The following HEPH variants were observed in gnomAD, a reference collection of about 807,000 sequenced individuals.
HEPH encodes the protein hephaestin.
Under a neutral mutation model 80.8 loss-of-function variants are expected in HEPH, and 69 were observed. That is an observed-to-expected ratio of 0.85 (90% confidence interval 0.70 to 1.04). The LOEUF (loss-of-function observed/expected upper bound fraction) is 1.04, where lower values mean the gene tolerates loss of function less well. Among genes scored for constraint, HEPH ranks in the 50% least tolerant of loss-of-function variants. The probability of loss-of-function intolerance (pLI) is 0.00; values close to 1 mark genes in which losing one functional copy is unlikely to be tolerated. For missense variants in HEPH, 1,115 were observed against 891.3 expected, an observed-to-expected ratio of 1.25 and a Z score of -3.20; for synonymous variants, 431 against 322.8, an observed-to-expected ratio of 1.34 and a Z score of -3.60.
intron 15 of HEPH, among the ~76,000 whole-genome samples, chrX:66,218,335 A>G (rs970798324): frequency 2.7e-5 from 3 of 112,067 alleles, no homozygotes; most frequent in Non-Finnish European, 5.6e-5. Flanking sequence ...CTGAAATTAT[A>G]TAAAATACTC....
chrX:66,207,226 G>A lies in HEPH; in HGVS notation c.2323G>A (p.Gly775Arg). The A allele has an allele frequency of 1.7e-6, 2 of 1,206,063 alleles. No homozygotes were observed. Among genetic ancestry groups the A allele is most frequent in the Non-Finnish European group, 2.2e-6 (2 of 892,100 alleles). ...TTACATTTTCCTGAGCAACAAGGAT[G>A]GGCTCCTGGGTTCCAGATACAAGAA... The part of the protein sequence containing the change: ...YGYIFLSNKD[G>R]LLGSRYKKAV... Residue 775 changes from glycine to arginine, a missense_variant, in exon 14 of 21, where the codon GGG (glycine) becomes AGG (arginine). By Grantham distance (125) the Gly-to-Arg change is moderately radical (BLOSUM62 -2). Coordinates refer to ENST00000343002, the MANE Select transcript of HEPH (RefSeq NM_001367233.3).
rs1602544870 is a variant in HEPH, at chrX:66,255,134, C to T, written c.2663C>T (p.Pro888Leu). 1 of 1,189,642 alleles carries T rather than the reference C, an allele frequency of 8.4e-7. No individual in the cohort carries two copies. The highest frequency in any genetic ancestry group is 1.1e-6 in the Non-Finnish European group (1 of 878,791). Reference protein sequence around the residue: ...VSWIYYSAVDPIKDMYSGLVG... With the variant: ...VSWIYYSAVDLIKDMYSGLVG... ...TGGATCTATTATTCTGCAGTGGATCCCATCAAGGTAAATACAAGATTGGCT... is the reference window on the plus strand; with the variant it reads ...TGGATCTATTATTCTGCAGTGGATCTCATCAAGGTAAATACAAGATTGGCT... Residue 888 changes from proline (P) to leucine (L), a missense_variant, in exon 16 of 21, where the codon CCC becomes CTC. By Grantham distance (98) the Pro-to-Leu change is moderately conservative. Coordinates refer to ENST00000343002, the MANE Select transcript of HEPH (RefSeq NM_001367233.3).
intron 15 of HEPH, among the ~76,000 whole-genome samples, chrX:66,230,246 G>A (rs1320818483): frequency 1.1e-5 from 1 of 92,816 alleles, no homozygotes; most frequent in East Asian, 3.4e-4. Context: ...ACGTGTGCAT[G>A]TGTCTTTATA....
chrX:66,203,353 T>C lies in HEPH; in HGVS notation c.2078-11T>C. On this transcript the variant is annotated splice_polypyrimidine_tract_variant and intron_variant, in intron 12 of 20. Transcript: ENST00000343002. ...TTCTGAGTCAGATTTTTCTCTCTGA[T>C]CCTCCCTCAGGGACATTTGAGATTT... 8.3e-7 allele frequency: 1 copy of C among 1,205,076 alleles called. No homozygotes were observed. The highest frequency in any genetic ancestry group is 1.8e-5 in the South Asian group (1 of 56,550).
At chrX:66,196,922 A>AT (rs1003379692) in intron 9 of HEPH, among the ~76,000 whole-genome samples, 1 of 104,821 alleles carries the variant, frequency 9.5e-6, no homozygotes, top group African/African-American at 3.5e-5. Flanking sequence ...TTTTGTCTAT[A>AT]TTTTTTTTCA....
At chrX:66,193,682 G>T in intron 8 of HEPH, 44 bp downstream of exon 8, 4 of 1,071,389 alleles carry the variant, frequency 3.7e-6, no homozygotes, top group Admixed American at 2.5e-5. Flanking sequence ...TAGAGCCAGA[G>T]AATTGAGGAA....
chrX:66,234,403 A>C (rs1297653358), intron 15 of HEPH, among the ~76,000 whole-genome samples: 1 of 111,698 alleles, frequency 9.0e-6, no homozygotes, highest in African/African-American at 3.3e-5. Context: ...TTTATGATAG[A>C]ACAATTCATA....
At chrX:66,188,302 A>C in intron 4 of HEPH, 57 bp from the exon 5 acceptor site, 3 of 929,229 alleles carry the variant, frequency 3.2e-6, no homozygotes, top group Non-Finnish European at 4.4e-6. Context: ...TACCCCTTTC[A>C]GCTTACTATT....
chrX:66,178,792 G>T (rs1264898848), intron 4 of HEPH, among the ~76,000 whole-genome samples: 11 of 111,970 alleles, frequency 9.8e-5, no homozygotes, highest in African/African-American at 3.6e-4. Context: ...TGATGGGGTT[G>T]TTTATTTTTT....
intron 4 of HEPH, among the ~76,000 whole-genome samples, chrX:66,177,816 C>T (rs2086879099): frequency 9.0e-6 from 1 of 111,092 alleles, no homozygotes; most frequent in Non-Finnish European, 1.9e-5. Flanking sequence ...CTTAGAATGT[C>T]AGTTTGCACT....
chrX:66,162,881 G>T, upstream of HEPH: 1 of 1,152,530 alleles, frequency 8.7e-7, no homozygotes, highest in South Asian at 1.9e-5. Flanking sequence ...CACAAAGTAA[G>T]AATATCAGGT....
In HEPH at chrX:66,256,142, G is replaced by A. The variant is rs1206184755; in HGVS notation, c.2708G>A (p.Cys903Tyr). The change falls in exon 17 of 21, where the codon TGC becomes TAC. Residue 903 changes from cysteine to tyrosine, a missense_variant. Physicochemically the swap from Cys to Tyr is radical, Grantham distance 194. This residue lies in a region of HEPH where 716 missense variants were observed against 523.5 expected (regional missense o/e 1.37). Transcript: ENST00000343002. Reference sequence around the variant, plus strand: ...GGCCTGGTGGGGCCCTTGGCTATCTGCCAAAAGGGCATCCTGGAGCCCCAT... The same window carrying A: ...GGCCTGGTGGGGCCCTTGGCTATCTACCAAAAGGGCATCCTGGAGCCCCAT... ...YSGLVGPLAI[C>Y]QKGILEPHGG... 1.7e-6 allele frequency: 2 copies of A among 1,209,194 alleles called. No homozygotes were observed. Among genetic ancestry groups the A allele is most frequent in the Non-Finnish European group, 2.2e-6 (2 of 894,489 alleles).
intron 15 of HEPH, among the ~76,000 whole-genome samples, chrX:66,234,615 G>A (rs1201310715): frequency 1.8e-5 from 2 of 108,356 alleles, no homozygotes; most frequent in Non-Finnish European, 1.9e-5. Context: ...AACTGTATGG[G>A]TATGAGATGT....
In HEPH at chrX:66,256,462, A is replaced by G. The variant is rs2091186869; in HGVS notation, c.2896+132A>G. The G allele has an allele frequency of 6.4e-6, 3 of 470,883 alleles. No homozygotes were observed. The South Asian group carries it at 1.0e-4, about 16-fold the overall frequency. The allele number at this position is 470,883 out of a possible 1,213,427, so 38.8% of individuals were successfully genotyped here. A position where few individuals can be genotyped will look rare whatever the true frequency, so the allele number is the denominator to read the frequency against. ...ACGAACATGGGAAGGTGAAATGGGG[A>G]TGAGTTAGAAGAAGCATTTCCTATT... On this transcript the variant is annotated intron_variant, in intron 17 of 20. Coordinates refer to ENST00000343002, the MANE Select transcript of HEPH (RefSeq NM_001367233.3).
At chrX:66,233,316 A>G (rs1397407806) in intron 15 of HEPH, among the ~76,000 whole-genome samples, 1 of 111,557 alleles carries the variant, frequency 9.0e-6, no homozygotes, top group African/African-American at 3.3e-5. Context: ...TCACTGCCTT[A>G]CCAAACCTCA....
At chrX:66,191,938 C>A (rs1332945926) in intron 6 of HEPH, among the ~76,000 whole-genome samples, 192 bp from the exon 7 acceptor site, 1 of 111,158 alleles carries the variant, frequency 9.0e-6, no homozygotes, top group East Asian at 2.8e-4. Flanking sequence ...GTGGAGGTAC[C>A]TGAATTCTAC....
chrX:66,211,661 T>C (rs1351019138), intron 15 of HEPH, among the ~76,000 whole-genome samples: 2 of 111,945 alleles, frequency 1.8e-5, no homozygotes, highest in Admixed American at 9.5e-5. Flanking sequence ...TTGCTGCAGA[T>C]TATATGATTT....
At chrX:66,248,414 A>G (rs970984309) in intron 15 of HEPH, among the ~76,000 whole-genome samples, 1 of 111,815 alleles carries the variant, frequency 8.9e-6, no homozygotes, top group African/African-American at 3.2e-5. Context: ...TGTCTCAGTT[A>G]CCAGATCAAC....
chrX:66,203,716 G>A (rs773816849), intron 13 of HEPH, 139 bp downstream of exon 13: 23 of 499,264 alleles, frequency 4.6e-5, no homozygotes, highest in Admixed American at 7.5e-5. Flanking sequence ...GGGCTATAAT[G>A]CAGCTCTTAT....
Sources: allele counts gnomAD v4.1 joint callset (sites outside exome capture counted in the v4.1 genomes callset), GRCh38; gene constraint gnomAD v4.1.1; regional missense constraint gnomAD v4.1.1; transcripts MANE v1.5; gene names NCBI Gene and HGNC (gene_info 2026-07-23, HGNC 2026-07-21).